Variants in SLC16A7 observed in about 807,000 individuals in gnomAD.
SLC16A7 encodes monocarboxylate transporter 2.
In SLC16A7, 33 loss-of-function variants were observed where a neutral mutation model predicts 34.9. The observed-to-expected ratio is 0.94, with a 90% CI of 0.72 to 1.26. The LOEUF (loss-of-function observed/expected upper bound fraction) is 1.26. SLC16A7 is among the 50% of genes most tolerant of loss of function. The pLI, the probability that SLC16A7 is intolerant of heterozygous loss-of-function variation, is 0.00. For missense variants in SLC16A7, 573 were observed against 578.1 expected (o/e 0.99, Z 0.09); for synonymous variants, 201 against 206.6 (o/e 0.97, Z 0.23).
At chr12:59,737,419 G>A (rs1259424219) in intron 3 of SLC16A7, among the ~76,000 whole-genome samples, 2 of 152,124 alleles carry the variant, frequency 1.3e-5, no homozygotes, top group African/African-American at 4.8e-5. Flanking sequence ...GCTTAGTAAT[G>A]GACCTTTTAA....
intron 3 of SLC16A7, among the ~76,000 whole-genome samples, chr12:59,740,051 A>G (rs1294059048): frequency 6.6e-6 from 1 of 151,370 alleles, no homozygotes; most frequent in Non-Finnish European, 1.5e-5. Flanking sequence ...TAGTTTAATT[A>G]GATCCCATTT....
chr12:59,779,632 G>T lies in SLC16A7; in HGVS notation c.1390G>T (p.Val464Phe). 1 of 1,611,738 alleles carries T rather than the reference G, an allele frequency of 6.2e-7. No homozygotes were observed. Among genetic ancestry groups the T allele is most frequent in the Non-Finnish European group, 8.5e-7 (1 of 1,178,248 alleles). The change falls in exon 6 of 6, where the codon GTT becomes TTT. Residue 464 changes from valine to phenylalanine, a missense_variant. By Grantham distance (50) the Val-to-Phe change is conservative (BLOSUM62 -1). Coordinates refer to ENST00000547379, the MANE Select transcript of SLC16A7 (RefSeq NM_001270623.2). ...SKHSEDVNVK[V>F]SNAQSVTSER... Reference sequence around the variant, plus strand: ...ACATTCGGAAGATGTTAACGTCAAAGTTTCAAATGCACAGAGTGTAACCTC... The same window carrying T: ...ACATTCGGAAGATGTTAACGTCAAATTTTCAAATGCACAGAGTGTAACCTC...
chr12:59,642,006 A>T (rs896874131), intron 1 of SLC16A7, among the ~76,000 whole-genome samples: 1 of 152,162 alleles, frequency 6.6e-6, no homozygotes, highest in African/African-American at 2.4e-5. Context: ...ATATTGCTTT[A>T]TATAGTGTTA....
intron 2 of SLC16A7, among the ~76,000 whole-genome samples, chr12:59,690,848 A>G (rs911921791): frequency 6.6e-6 from 1 of 151,980 alleles, no homozygotes; most frequent in Non-Finnish European, 1.5e-5. Context: ...GTCTTCTGTA[A>G]ACACTAGATA....
intron 2 of SLC16A7, among the ~76,000 whole-genome samples, chr12:59,698,254 TATGCAAC>T (rs1422907657): frequency 2.0e-5 from 3 of 151,802 alleles, no homozygotes; most frequent in Non-Finnish European, 3.0e-5. Context: ...TAAAACTGAT[TATGCAAC>T]TATTTATGAT....
At chr12:59,759,512 A>G (rs1015419420) in intron 3 of SLC16A7, among the ~76,000 whole-genome samples, 6 of 152,048 alleles carry the variant, frequency 3.9e-5, no homozygotes, top group African/African-American at 1.4e-4. Flanking sequence ...CCTTTAGAAT[A>G]CAGTTTTTTA....
chr12:59,723,092 T>G (rs939285979), intron 3 of SLC16A7, among the ~76,000 whole-genome samples: 1 of 151,840 alleles, frequency 6.6e-6, no homozygotes, highest in Non-Finnish European at 1.5e-5. Context: ...GAGCAGAGAT[T>G]TTTTTTCCTT....
chr12:59,646,762 G>A (rs1428414776), intron 1 of SLC16A7, among the ~76,000 whole-genome samples: 1 of 152,158 alleles, frequency 6.6e-6, no homozygotes, highest in Non-Finnish European at 1.5e-5. Context: ...CCAGGAGGGG[G>A]GCTGTACCAT....
chr12:59,672,192 G>GTATATATATGTGTATATATGCATATATAC lies in SLC16A7; in HGVS notation c.-31+16950_-31+16951insTGTGTATATATGCATATATACTATATATA. Among the ~76,000 whole-genome samples the GTATATATATGTGTATATATGCATATATAC allele has an allele frequency of 6.2e-5, 2 of 32,428 alleles. 1 individual carries two copies. The highest frequency in any genetic ancestry group is 1.9e-4 in the African/African-American group (2 of 10,634). The allele number at this position is 32,428 out of a possible 152,430, so 21.3% of individuals were successfully genotyped here. A position where few individuals can be genotyped will look rare whatever the true frequency, so the allele number is the denominator to read the frequency against. On this transcript the variant is annotated intron_variant, in intron 2 of 5. Coordinates refer to ENST00000547379, the MANE Select transcript of SLC16A7 (RefSeq NM_001270623.2). ...TATATGTGTATATATGCATATATAC[G>GTATATATATGTGTATATATGCATATATAC]TATATATACATATATACGTATATAT...
chr12:59,613,166 G>A (rs1486721051), intron 1 of SLC16A7, among the ~76,000 whole-genome samples: 5 of 152,244 alleles, frequency 3.3e-5, no homozygotes. Flanking sequence ...TTACAACTAT[G>A]GTGGAAGGGG....
Position 59,771,266 on chromosome 12 carries a change from G to A in SLC16A7, c.265G>A (p.Val89Met), listed in dbSNP as rs765745853. The A allele has an allele frequency of 2.5e-6, 4 of 1,613,480 alleles. No individual in the cohort carries two copies. Among genetic ancestry groups the A allele is most frequent in the Non-Finnish European group, 3.4e-6 (4 of 1,179,630 alleles). Residue 89 changes from valine to methionine, a missense_variant, in exon 4 of 6, where the codon GTG (valine) becomes ATG (methionine). Coordinates refer to ENST00000547379, the MANE Select transcript of SLC16A7 (RefSeq NM_001270623.2). ...LVNKYGSRPV[V>M]IAGGLLCCLG... ...GAATAAATACGGCAGCCGGCCGGTG[G>A]TGATAGCAGGAGGCTTATTATGCTG...
intron 1 of SLC16A7, among the ~76,000 whole-genome samples, chr12:59,612,748 G>T (rs958389704): frequency 6.6e-6 from 1 of 152,082 alleles, no homozygotes; most frequent in Non-Finnish European, 1.5e-5. Context: ...TTAGGGCAGG[G>T]GCAAATGCTA....
chr12:59,705,367 G>T (rs541222428), intron 3 of SLC16A7, among the ~76,000 whole-genome samples: 5 of 152,190 alleles, frequency 3.3e-5, no homozygotes, highest in Non-Finnish European at 7.4e-5. Context: ...GCTACCTCTG[G>T]TAGAAATGCT....
chr12:59,756,642 T>A (rs1387491973), intron 3 of SLC16A7, among the ~76,000 whole-genome samples: 1 of 145,888 alleles, frequency 6.9e-6, no homozygotes, highest in Non-Finnish European at 1.5e-5. Flanking sequence ...ATAGAAACAC[T>A]TCTACACTGT....
At chr12:59,726,433 T>A (rs979926676) in intron 3 of SLC16A7, among the ~76,000 whole-genome samples, 1 of 151,864 alleles carries the variant, frequency 6.6e-6, no homozygotes, top group Admixed American at 6.6e-5. Context: ...AGAAAAAAAA[T>A]GAAGGATAGG....
At chr12:59,766,900 G>C (rs1314595365) in intron 3 of SLC16A7, among the ~76,000 whole-genome samples, 1 of 152,086 alleles carries the variant, frequency 6.6e-6, no homozygotes, top group East Asian at 1.9e-4. Context: ...AGCTTCAGAA[G>C]GAATGGTACC....
Position 59,677,561 on chromosome 12 carries a change from G to C in SLC16A7, c.-31+22311G>C, listed in dbSNP as rs571164529. Among the ~76,000 whole-genome samples, 245 of 152,216 alleles carry C rather than the reference G, an allele frequency of 1.6e-3. 1 individual carries two copies. Among genetic ancestry groups the C allele is most frequent in the African/African-American group, 5.8e-3 (239 of 41,530 alleles). On this transcript the variant is annotated intron_variant, in intron 2 of 5. Transcript: ENST00000547379. ...AGCATCCACCTTCAAAGTACAGCAA[G>C]GTTCTAGTTCCTTAATTGCTCTCAA...
intron 3 of SLC16A7, among the ~76,000 whole-genome samples, chr12:59,733,445 G>A (rs553317809): frequency 6.6e-6 from 1 of 152,240 alleles, no homozygotes; most frequent in South Asian, 2.1e-4. Context: ...CGCTGGCAAA[G>A]GCACAGGCTT....
intron 1 of SLC16A7, among the ~76,000 whole-genome samples, chr12:59,637,664 A>G (rs935887296): frequency 1.3e-5 from 2 of 152,094 alleles, no homozygotes; most frequent in Non-Finnish European, 2.9e-5. Flanking sequence ...CCAAAGACCC[A>G]GGGAAAACCG....
Sources: allele counts gnomAD v4.1 joint callset (sites outside exome capture counted in the v4.1 genomes callset), GRCh38; gene constraint gnomAD v4.1.1; transcripts MANE v1.5; gene names NCBI Gene and HGNC (gene_info 2026-07-23, HGNC 2026-07-21).